Variants in STIM1 observed in about 807,000 individuals in gnomAD.
STIM1 encodes the protein stromal interaction molecule 1.
In STIM1, 25 loss-of-function variants were observed where a neutral mutation model predicts 74.7. The ratio of observed to expected loss-of-function variants is 0.33; its 90% CI spans 0.24 to 0.47. The LOEUF (loss-of-function observed/expected upper bound fraction) is 0.47, where lower values mean the gene tolerates loss of function less well. Among genes scored for constraint, STIM1 ranks in the 20% least tolerant of loss-of-function variants. The pLI is 1.00. For synonymous variants in STIM1, 328 were observed against 348.8 expected, an observed-to-expected ratio of 0.94 and a Z score of 0.66; for missense variants, 728 against 920.8, an observed-to-expected ratio of 0.79 and a Z score of 2.71.
rs191166453 is a variant in STIM1, at chr11:4,028,567, C to T, written c.385+4580C>T. Among the ~76,000 whole-genome samples the T allele has an allele frequency of 9.5e-3, 1,438 of 151,588 alleles. 19 individuals carry two copies. The highest frequency in any genetic ancestry group is 0.033 in the African/African-American group (1,366 of 41,294). On this transcript the variant is annotated intron_variant, in intron 3 of 12. Coordinates refer to ENST00000526596, the MANE Select transcript of STIM1 (RefSeq NM_001382567.1). ...GGGATTACAGGCGTGAACCCCCACG[C>T]CCGGCTAATTTTTGTATTTTTAGTA...
At chr11:4,047,172 G>A (rs2094199811) in intron 3 of STIM1, among the ~76,000 whole-genome samples, 1 of 152,070 alleles carries the variant, frequency 6.6e-6, no homozygotes, top group Non-Finnish European at 1.5e-5. Flanking sequence ...TGCCTTCAAT[G>A]TTTTCTGCCT....
At chr11:3,989,311 A>C in intron 2 of STIM1, 1 of 925,482 alleles carries the variant, frequency 1.1e-6, no homozygotes, top group Non-Finnish European at 1.8e-6. Context: ...TTTTGTTTGC[A>C]CTTGTTTGTC....
chr11:4,031,311 A>C (rs545854604), intron 3 of STIM1, among the ~76,000 whole-genome samples: 24 of 152,272 alleles, frequency 1.6e-4, no homozygotes, highest in African/African-American at 5.8e-4. Flanking sequence ...GGAGACATTG[A>C]GCTGCTTTTA....
At chr11:3,859,461 C>G (rs1590498206) in intron 1 of STIM1, among the ~76,000 whole-genome samples, 1 of 152,204 alleles carries the variant, frequency 6.6e-6, no homozygotes, top group Non-Finnish European at 1.5e-5. Flanking sequence ...TAGAAAACAA[C>G]AATGGTTTCT....
intron 8 of STIM1, 27 bp from the exon 9 acceptor site, chr11:4,082,855 T>C (rs1018096047): frequency 1.2e-6 from 2 of 1,603,758 alleles, no homozygotes; most frequent in East Asian, 4.5e-5. Flanking sequence ...CCCTGCTCTT[T>C]TTGAGCTGGG....
intron 2 of STIM1, among the ~76,000 whole-genome samples, chr11:4,019,648 CACCA>C (rs1163279367): frequency 6.6e-6 from 1 of 152,036 alleles, no homozygotes. Flanking sequence ...CAAAAAACCC[CACCA>C]ACCAACCAAC....
At chr11:4,076,822 CAT>C (rs148011255) in intron 7 of STIM1, among the ~76,000 whole-genome samples, 5,559 of 149,094 alleles carry the variant, frequency 0.037, 245 homozygotes, top group East Asian at 0.19. Context: ...GATTTTCAAA[CAT>C]GTGAGGACTT....
chr11:3,922,830 G>T (rs1383530167), intron 1 of STIM1: 2 of 152,310 alleles, frequency 1.3e-5, no homozygotes, highest in Non-Finnish European at 2.9e-5. Flanking sequence ...AGGTGCGGTG[G>T]CTCATGCCTG....
intron 3 of STIM1, among the ~76,000 whole-genome samples, chr11:4,054,308 A>C (rs1262045233): frequency 1.3e-5 from 2 of 152,134 alleles, no homozygotes; most frequent in Non-Finnish European, 2.9e-5. Context: ...ACTAGTAGCT[A>C]TCTTAGCATG....
At chr11:3,991,959 A>C (rs1259234615) in intron 2 of STIM1, among the ~76,000 whole-genome samples, 1 of 118,054 alleles carries the variant, frequency 8.5e-6, no homozygotes, top group African/African-American at 2.9e-5. Flanking sequence ...TCAAAAAAAA[A>C]AAAAAAAAAA....
chr11:3,891,976 T>G (rs2091909022), intron 1 of STIM1, among the ~76,000 whole-genome samples: 1 of 152,230 alleles, frequency 6.6e-6, no homozygotes, highest in Non-Finnish European at 1.5e-5. Flanking sequence ...TGGGCTAGAT[T>G]TGGCCTGAGG....
Position 4,083,367 on chromosome 11 carries a change from A to G in STIM1, c.1343A>G (p.His448Arg), listed in dbSNP as rs200795250. ...CAGATTGTCAACAACCCTGGCATCC[A>G]CTCACTGGTGGCTGCCCTCAACATA... ...GFQIVNNPGI[H>R]SLVAALNIDP... Residue 448 changes from histidine to arginine, a missense_variant, in exon 10 of 13, where the codon CAC becomes CGC. By Grantham distance (29) the His-to-Arg change is conservative (BLOSUM62 0). This residue lies in a region of STIM1 where 352 missense variants were observed against 370.1 expected (regional missense o/e 0.95). Coordinates refer to ENST00000526596, the MANE Select transcript of STIM1 (RefSeq NM_001382567.1). 6.2e-7 allele frequency: 1 copy of G among 1,614,110 alleles called. No homozygotes were observed. Among genetic ancestry groups the G allele is most frequent in the Non-Finnish European group, 8.5e-7 (1 of 1,180,020 alleles).
chr11:3,955,564 A>G (rs1053159900), intron 1 of STIM1, among the ~76,000 whole-genome samples: 3 of 152,296 alleles, frequency 2.0e-5, no homozygotes, highest in East Asian at 1.9e-4. Context: ...TGGTAGTTAC[A>G]TGAACATATA....
intron 4 of STIM1, chr11:4,058,747 C>T (rs2094309730): frequency 2.1e-6 from 2 of 967,494 alleles, no homozygotes; most frequent in South Asian, 9.2e-5. Context: ...GCTAACAGGA[C>T]TAATTCCATT....
At position 3,895,821 on chromosome 11, in the gene STIM1, TTTC is replaced by T. The variant is rs1268236840; in HGVS notation, c.139+39415_139+39417del. ...CTTCCTTCCTTTCTTTCCTTCCTTC[TTTC>T]TTTTCTTTCTTTCTTTCTCTTTCTT... On this transcript the variant is annotated intron_variant, in intron 1 of 12. Transcript: ENST00000526596. Among the ~76,000 whole-genome samples the T allele has an allele frequency of 8.7e-5, 9 of 102,958 alleles. 3 individuals carry two copies. The highest frequency in any genetic ancestry group is 4.7e-4 in the African/African-American group (9 of 19,208). The allele number at this position is 102,958 out of a possible 152,430, so 67.5% of individuals were successfully genotyped here. A position where few individuals can be genotyped will look rare whatever the true frequency, so the allele number is the denominator to read the frequency against.
intron 2 of STIM1, among the ~76,000 whole-genome samples, chr11:4,020,775 T>A (rs567438279): frequency 8.6e-5 from 13 of 151,572 alleles, no homozygotes; most frequent in South Asian, 4.2e-4. Flanking sequence ...TTTTTTTTTT[T>A]AATTTTTTGC....
intron 1 of STIM1, among the ~76,000 whole-genome samples, chr11:3,962,240 C>T (rs1160715656): frequency 6.6e-6 from 1 of 152,148 alleles, no homozygotes; most frequent in African/African-American, 2.4e-5. Flanking sequence ...TCCTCCCCCA[C>T]TCCTGGCAAC....
intron 3 of STIM1, among the ~76,000 whole-genome samples, chr11:4,048,184 T>A (rs1318980985): frequency 6.6e-6 from 1 of 152,218 alleles, no homozygotes; most frequent in East Asian, 1.9e-4. Context: ...AATCTCACCG[T>A]ATCATTCAAC....
intron 1 of STIM1, among the ~76,000 whole-genome samples, chr11:3,897,145 G>A (rs923006930): frequency 2.0e-5 from 3 of 152,192 alleles, no homozygotes; most frequent in Admixed American, 2.0e-4. Flanking sequence ...TTCTGTCAAA[G>A]TAAAAACTAC....
Sources: allele counts gnomAD v4.1 joint callset (sites outside exome capture counted in the v4.1 genomes callset), GRCh38; gene constraint gnomAD v4.1.1; regional missense constraint gnomAD v4.1.1; transcripts MANE v1.5; gene names NCBI Gene and HGNC (gene_info 2026-07-23, HGNC 2026-07-21).